The following NEK6 variants were observed in gnomAD, a reference collection of about 807,000 sequenced individuals.
NEK6 encodes the protein NIMA related kinase 6, also known as serine/threonine-protein kinase Nek6.
NEK6 carries 27 observed loss-of-function variants against 43.5 expected under a neutral mutation model. The observed-to-expected ratio is 0.62, with a 90% CI of 0.46 to 0.86. NEK6 has a LOEUF of 0.86. Among genes scored for constraint, NEK6 ranks in the 40% least tolerant of loss-of-function variants. The pLI is 0.00. For synonymous variants in NEK6, 167 were observed against 164.1 expected (o/e 1.02, Z -0.14); for missense variants, 318 against 414.4 (o/e 0.77, Z 2.02).
At chr9:124,259,453 T>C (rs909807338) in intron 1 of NEK6, 1 of 152,170 alleles carries the variant, frequency 6.6e-6, no homozygotes, top group Non-Finnish European at 1.5e-5. Flanking sequence ...GAGTTTGAGC[T>C]TACCGAATGA....
At chr9:124,329,158 G>A (rs904161076) in intron 7 of NEK6, among the ~76,000 whole-genome samples, 11 of 152,192 alleles carry the variant, frequency 7.2e-5, no homozygotes, top group African/African-American at 2.2e-4. Context: ...AGGAAGCCTC[G>A]TCTTTCCTTG....
chr9:124,345,007 G>A (rs1829845454), intron 8 of NEK6, among the ~76,000 whole-genome samples: 1 of 152,204 alleles, frequency 6.6e-6, no homozygotes, highest in Non-Finnish European at 1.5e-5. Flanking sequence ...GCCCTGACAG[G>A]CAGGAGTCAG....
chr9:124,349,014 C>T (rs547024061), intron 9 of NEK6, among the ~76,000 whole-genome samples: 1 of 152,366 alleles, frequency 6.6e-6, no homozygotes, highest in South Asian at 2.1e-4. Context: ...AAGGAGTGCC[C>T]TTGCCCCGGC....
upstream of NEK6, chr9:124,257,944 C>A: frequency 1.0e-6 from 1 of 977,428 alleles, no homozygotes; most frequent in Non-Finnish European, 1.2e-6. Flanking sequence ...CGCGGGCCCG[C>A]GCAGGCGGTG....
At chr9:124,290,405 G>T (rs1389438035) in intron 1 of NEK6, among the ~76,000 whole-genome samples, 1 of 152,262 alleles carries the variant, frequency 6.6e-6, no homozygotes, top group Non-Finnish European at 1.5e-5. Flanking sequence ...CTGGCACCTG[G>T]CATGTGCCCG....
chr9:124,319,958 A>C (rs999358617), intron 4 of NEK6, among the ~76,000 whole-genome samples: 1 of 152,148 alleles, frequency 6.6e-6, no homozygotes, highest in Non-Finnish European at 1.5e-5. Flanking sequence ...AATTACCTAC[A>C]TTTGTTACTG....
intron 1 of NEK6, chr9:124,261,508 G>A (rs1831029534): frequency 1.4e-5 from 14 of 985,458 alleles, no homozygotes; most frequent in Non-Finnish European, 1.7e-5. Context: ...GAAGAGTCCG[G>A]TGTTCTGGCC....
chr9:124,325,799 A>G (rs1054974974), intron 5 of NEK6, among the ~76,000 whole-genome samples: 1 of 152,184 alleles, frequency 6.6e-6, no homozygotes, highest in African/African-American at 2.4e-5. Context: ...CATTTCCTCA[A>G]GGTTCTCGCC....
At position 124,311,218 on chromosome 9, in the gene NEK6, G is replaced by T. The variant is rs1833509776; in HGVS notation, c.91-1291G>T. Among the ~76,000 whole-genome samples the T allele has an allele frequency of 2.0e-5, 3 of 152,204 alleles. No individual in the cohort carries two copies. In the South Asian group the frequency reaches 6.2e-4, roughly 32 times the overall value. On this transcript the variant is annotated intron_variant, in intron 2 of 9. Coordinates refer to ENST00000320246, the MANE Select transcript of NEK6 (RefSeq NM_014397.6). The stretch of plus-strand genomic sequence containing the variant: ...TTCCGCCAGGGTGCTGGCTCCTAAA[G>T]ACGCCTCGGTACGGTGCCCGGCTCA...
At chr9:124,317,325 T>A (rs1833867907) in intron 4 of NEK6, among the ~76,000 whole-genome samples, 1 of 152,164 alleles carries the variant, frequency 6.6e-6, no homozygotes, top group Admixed American at 6.5e-5. Context: ...CGATCTCGGC[T>A]CACTACAACC....
intron 7 of NEK6, among the ~76,000 whole-genome samples, chr9:124,330,169 G>A (rs554326774): frequency 5.9e-5 from 9 of 152,322 alleles, no homozygotes; most frequent in Admixed American, 2.6e-4. Context: ...GGTACCCAGC[G>A]GTGGCAGAGT....
chr9:124,303,001 G>T (rs544500525), intron 2 of NEK6, among the ~76,000 whole-genome samples: 9 of 152,234 alleles, frequency 5.9e-5, no homozygotes, highest in African/African-American at 2.2e-4. Flanking sequence ...CTGCTCTTAC[G>T]GAGCACACAG....
chr9:124,301,183 A>T (rs1279970248), intron 1 of NEK6, among the ~76,000 whole-genome samples: 1 of 152,174 alleles, frequency 6.6e-6, no homozygotes, highest in Non-Finnish European at 1.5e-5. Flanking sequence ...CACTTGTCTG[A>T]TGGGGGAGGC....
At chr9:124,299,264 C>T (rs921668979) in intron 1 of NEK6, among the ~76,000 whole-genome samples, 1 of 151,974 alleles carries the variant, frequency 6.6e-6, no homozygotes, top group African/African-American at 2.4e-5. Context: ...TCACTGAAGA[C>T]AGTTCTCCAC....
intron 1 of NEK6, among the ~76,000 whole-genome samples, chr9:124,283,215 G>T (rs1045204434): frequency 2.6e-5 from 4 of 152,232 alleles, no homozygotes; most frequent in Admixed American, 2.6e-4. Context: ...AACCCTTCCC[G>T]TGCCTAGCCC....
chr9:124,299,996 A>T (rs977101381), intron 1 of NEK6: 1 of 152,118 alleles, frequency 6.6e-6, no homozygotes, highest in African/African-American at 2.4e-5. Context: ...ATTTTGAGAG[A>T]GCAGGTTTAC....
chr9:124,343,348 C>G lies in NEK6; in HGVS notation c.717+3683C>G, dbSNP rs1160884928. Among the ~76,000 whole-genome samples the G allele has an allele frequency of 6.6e-6, 1 of 151,948 alleles. No homozygotes were observed. The highest frequency in any genetic ancestry group is 2.4e-5 in the African/African-American group (1 of 41,344). ...GACAGATCACAGCCAGGGGTGGATA[C>G]CAGTCAGCAGTAGGAAGTGAATGAA... On this transcript the variant is annotated intron_variant, in intron 8 of 9. Coordinates refer to ENST00000320246, the MANE Select transcript of NEK6 (RefSeq NM_014397.6). The surrounding 1 kb of genome is among the most constrained non-coding windows in gnomAD (Gnocchi z 5.1).
At chr9:124,272,670 C>T (rs1299285110) in intron 1 of NEK6, among the ~76,000 whole-genome samples, 2 of 152,256 alleles carry the variant, frequency 1.3e-5, no homozygotes, top group Admixed American at 1.3e-4. Context: ...CTGAGACTCA[C>T]AACCGCTCCC....
At chr9:124,299,461 T>G (rs1173889783) in intron 1 of NEK6, among the ~76,000 whole-genome samples, 2 of 152,162 alleles carry the variant, frequency 1.3e-5, no homozygotes, top group African/African-American at 2.4e-5. Context: ...AAGGTGCTCG[T>G]GTTTATCTGT....
Sources: gnomAD v4.1 joint callset for allele counts (sites outside exome capture counted in the v4.1 genomes callset) on GRCh38, gnomAD v4.1.1 for gene constraint, Gnocchi (gnomAD v3.1) non-coding constraint, MANE v1.5 for transcripts, NCBI Gene and HGNC (gene_info 2026-07-23, HGNC 2026-07-21) for gene names.